The following WDR41 variants were observed in gnomAD, a reference collection of about 807,000 sequenced individuals.
The protein encoded by WDR41 is WD repeat domain 41.
In WDR41, 63 loss-of-function variants were observed where a neutral mutation model predicts 69.3. The ratio of observed to expected loss-of-function variants is 0.91; its 90% CI spans 0.74 to 1.12. WDR41 has a LOEUF of 1.12. Among genes scored for constraint, WDR41 ranks in the 50% most tolerant of loss-of-function variants. WDR41 has a pLI of 0.00. For missense variants in WDR41, 543 were observed against 534.5 expected (o/e 1.02, Z -0.16); for synonymous variants, 185 against 192.1 (o/e 0.96, Z 0.31).
intron 1 of WDR41, among the ~76,000 whole-genome samples, chr5:77,577,282 C>A (rs934232192): frequency 6.6e-6 from 1 of 151,630 alleles, no homozygotes; most frequent in African/African-American, 2.4e-5. Context: ...TCCTACAAAA[C>A]AATATCCCCA....
At chr5:77,534,627 T>A in intron 1 of WDR41, among the ~76,000 whole-genome samples, 1 of 152,042 alleles carries the variant, frequency 6.6e-6, no homozygotes, top group East Asian at 1.9e-4. Flanking sequence ...GGAGACAGGC[T>A]TTCACTATGT....
At chr5:77,489,645 T>C (rs1181211185) in intron 1 of WDR41, 73 bp from the exon 2 acceptor site, 44 of 947,880 alleles carry the variant, frequency 4.6e-5, no homozygotes, top group Admixed American at 1.3e-4. Flanking sequence ...TAAGACCATA[T>C]TGGAATATAA....
At chr5:77,595,592 A>G (rs1345778611) in intron 1 of WDR41, among the ~76,000 whole-genome samples, 1 of 149,346 alleles carries the variant, frequency 6.7e-6, no homozygotes, top group Non-Finnish European at 1.5e-5. Context: ...CCACTATTGT[A>G]AGTGGTTATA....
chr5:77,508,030 C>A (rs1802138700), intron 1 of WDR41, among the ~76,000 whole-genome samples: 1 of 152,096 alleles, frequency 6.6e-6, no homozygotes, highest in Non-Finnish European at 1.5e-5. Context: ...ATCTACTGAG[C>A]CTCTCCAGTA....
chr5:77,438,336 C>G lies in WDR41; in HGVS notation c.908G>C (p.Gly303Ala), dbSNP rs1799027538. Residue 303 changes from glycine (G) to alanine (A), a missense_variant, in exon 10 of 13, where the codon GGT becomes GCT. Physicochemically the swap from Gly to Ala is moderately conservative, Grantham distance 60 (BLOSUM62 0). Transcript: ENST00000296679. ...CATTTGAAGGCTATACACGTATAAA[C>G]CCCTTCCAACTGCAGCAAATACATT... ...EENVFAAVGR[G>A]LYVYSLQMKR... 1 of 1,613,866 alleles carries G rather than the reference C, an allele frequency of 6.2e-7. No homozygotes were observed. The highest frequency in any genetic ancestry group is 1.1e-5 in the South Asian group (1 of 91,062).
At chr5:77,585,820 G>T (rs149730897) in intron 1 of WDR41, among the ~76,000 whole-genome samples, 3 of 152,206 alleles carry the variant, frequency 2.0e-5, no homozygotes, top group Non-Finnish European at 4.4e-5. Context: ...TGGGGACTTG[G>T]GGGGAAGAAA....
intron 9 of WDR41, 141 bp from the exon 10 acceptor site, chr5:77,438,502 C>G (rs1199888171): frequency 8.4e-7 from 1 of 1,189,764 alleles, no homozygotes; most frequent in African/African-American, 1.6e-5. Context: ...CAGTACTAAT[C>G]TCTGAAACCC....
intron 2 of WDR41, among the ~76,000 whole-genome samples, chr5:77,476,202 G>A (rs886647217): frequency 2.6e-5 from 4 of 152,190 alleles, no homozygotes. Flanking sequence ...TCTGACTGGT[G>A]TAACTGAAAG....
intron 1 of WDR41, among the ~76,000 whole-genome samples, chr5:77,603,390 C>A (rs1220036060): frequency 6.6e-6 from 1 of 152,182 alleles, no homozygotes; most frequent in Non-Finnish European, 1.5e-5. Flanking sequence ...TATTCATGTC[C>A]TTTGCCCACT....
chr5:77,569,417 A>G (rs780882431), intron 1 of WDR41, among the ~76,000 whole-genome samples: 27 of 152,292 alleles, frequency 1.8e-4, no homozygotes, highest in Non-Finnish European at 3.2e-4. Context: ...TATTCATTAA[A>G]TGCTGTGAGT....
At chr5:77,443,329 A>G (rs1347019445) in intron 8 of WDR41, among the ~76,000 whole-genome samples, 2 of 152,188 alleles carry the variant, frequency 1.3e-5, no homozygotes, top group Admixed American at 1.3e-4. Context: ...AGTAATTATG[A>G]TTTAATTATT....
chr5:77,434,312 G>A (rs961032981), intron 12 of WDR41, among the ~76,000 whole-genome samples: 7 of 151,100 alleles, frequency 4.6e-5, no homozygotes, highest in East Asian at 2.0e-4. Context: ...ACTCCCTCTC[G>A]GGAAAAAAAA....
intron 1 of WDR41, among the ~76,000 whole-genome samples, chr5:77,609,347 GCCT>G (rs569038510): frequency 6.6e-6 from 1 of 152,172 alleles, no homozygotes; most frequent in Non-Finnish European, 1.5e-5. Flanking sequence ...CGGGCAGACT[GCCT>G]CCTCAAGTGG....
chr5:77,517,275 T>C (rs919655344), intron 1 of WDR41, among the ~76,000 whole-genome samples: 1 of 152,090 alleles, frequency 6.6e-6, no homozygotes, highest in African/African-American at 2.4e-5. Context: ...ACAGTTCAAA[T>C]AACCTACAGA....
chr5:77,576,356 C>T (rs977606471), intron 1 of WDR41, among the ~76,000 whole-genome samples: 1 of 152,098 alleles, frequency 6.6e-6, no homozygotes, highest in African/African-American at 2.4e-5. Flanking sequence ...CTTCCTTTCA[C>T]ATTAAGTTCC....
intron 1 of WDR41, among the ~76,000 whole-genome samples, chr5:77,596,647 T>C (rs1386900299): frequency 6.6e-6 from 1 of 152,068 alleles, no homozygotes; most frequent in African/African-American, 2.4e-5. Flanking sequence ...CAGGTACCAC[T>C]ACACCTGCCT....
chr5:77,503,359 G>A (rs1333330142), intron 1 of WDR41, among the ~76,000 whole-genome samples: 1 of 151,850 alleles, frequency 6.6e-6, no homozygotes, highest in East Asian at 1.9e-4. Context: ...AATACAGGAG[G>A]ACCCAGATTC....
At chr5:77,608,281 T>C (rs1744465476) in intron 1 of WDR41, among the ~76,000 whole-genome samples, 2 of 152,218 alleles carry the variant, frequency 1.3e-5, no homozygotes, top group South Asian at 4.1e-4. Flanking sequence ...TAATATTCCA[T>C]TGTAAAATGT....
intron 8 of WDR41, among the ~76,000 whole-genome samples, chr5:77,444,807 T>G (rs1337232522): frequency 6.6e-6 from 1 of 152,250 alleles, no homozygotes; most frequent in East Asian, 1.9e-4. Context: ...AACAGACTAC[T>G]TGGTCATGTT....
Sources: gnomAD v4.1 joint callset for allele counts (sites outside exome capture counted in the v4.1 genomes callset) on GRCh38, gnomAD v4.1.1 for gene constraint, MANE v1.5 for transcripts, NCBI Gene and HGNC (gene_info 2026-07-23, HGNC 2026-07-21) for gene names.